Variants in GPR158 observed in about 807,000 individuals in gnomAD.
GPR158 encodes the protein G protein-coupled receptor 158.
A neutral mutation model predicts 78.2 loss-of-function variants in GPR158; 30 were observed. That is an observed-to-expected ratio of 0.38 (90% CI 0.29 to 0.52). GPR158 has a LOEUF of 0.52. Among genes scored for constraint, GPR158 ranks in the 20% least tolerant of loss-of-function variants. GPR158 has a pLI of 0.83. For missense variants in GPR158, 1,463 were observed against 1,523.5 expected, an observed-to-expected ratio of 0.96 and a Z score of 0.66; for synonymous variants, 581 against 591.1, an observed-to-expected ratio of 0.98 and a Z score of 0.25.
intron 1 of GPR158, among the ~76,000 whole-genome samples, chr10:25,217,395 CCAA>C (rs1205167966): frequency 2.0e-5 from 3 of 152,142 alleles, no homozygotes; most frequent in Non-Finnish European, 4.4e-5. Context: ...GCCTACCCAT[CCAA>C]CAGTTACCAC....
At chr10:25,271,581 G>A (rs928679818) in intron 2 of GPR158, among the ~76,000 whole-genome samples, 6 of 152,152 alleles carry the variant, frequency 3.9e-5, no homozygotes, top group Admixed American at 6.5e-5. Flanking sequence ...ATGGCAGTTC[G>A]AAGTTAAGGG....
intron 1 of GPR158, among the ~76,000 whole-genome samples, chr10:25,190,455 C>T (rs1209293762): frequency 1.3e-5 from 2 of 152,028 alleles, no homozygotes; most frequent in African/African-American, 2.4e-5. Context: ...ACCTCAGTCC[C>T]CCAAGTAGCT....
At chr10:25,469,060 TTG>T (rs1412658357) in intron 5 of GPR158, among the ~76,000 whole-genome samples, 1 of 152,146 alleles carries the variant, frequency 6.6e-6, no homozygotes, top group Admixed American at 6.5e-5. Context: ...TTTTTGGTTT[TTG>T]TCTTACTTCA....
chr10:25,563,967 G>T (rs1488787827), intron 6 of GPR158, among the ~76,000 whole-genome samples: 2 of 150,864 alleles, frequency 1.3e-5, no homozygotes, highest in African/African-American at 4.9e-5. Context: ...TTTTTTTTTA[G>T]AGGCTGAACA....
chr10:25,216,974 A>G (rs1244084032), intron 1 of GPR158, among the ~76,000 whole-genome samples: 18 of 152,182 alleles, frequency 1.2e-4, no homozygotes, highest in Admixed American at 1.2e-3. Flanking sequence ...TTATTTAGGA[A>G]AGTGAGTAAT....
chr10:25,292,718 G>C (rs963637588), intron 2 of GPR158, among the ~76,000 whole-genome samples: 1 of 152,070 alleles, frequency 6.6e-6, no homozygotes, highest in Non-Finnish European at 1.5e-5. Context: ...TTCATGCACA[G>C]AAAGTTGCTT....
chr10:25,366,423 C>A (rs56112939), intron 2 of GPR158, among the ~76,000 whole-genome samples: 21,446 of 151,436 alleles, frequency 0.14, 1,842 homozygotes, highest in African/African-American at 0.24. Flanking sequence ...AGCACTGGTT[C>A]TTTTAGTTTT....
intron 2 of GPR158, among the ~76,000 whole-genome samples, chr10:25,241,129 C>CTTTCTT (rs1294120439): frequency 2.6e-5 from 1 of 39,188 alleles, no homozygotes; most frequent in Admixed American, 2.1e-4. Context: ...CTTTGATTTT[C>CTTTCTT]TTTCTTTCTT....
At chr10:25,246,196 G>T (rs973657719) in intron 2 of GPR158, among the ~76,000 whole-genome samples, 1 of 152,116 alleles carries the variant, frequency 6.6e-6, no homozygotes, top group African/African-American at 2.4e-5. Flanking sequence ...AGCTGTGAGG[G>T]CTTGTTCTTT....
At chr10:25,371,548 G>A (rs1833993746) in intron 2 of GPR158, among the ~76,000 whole-genome samples, 1 of 148,246 alleles carries the variant, frequency 6.7e-6, no homozygotes, top group African/African-American at 2.5e-5. Flanking sequence ...CAGAAATAAT[G>A]CCACATATCT....
At chr10:25,335,771 A>C in intron 2 of GPR158, among the ~76,000 whole-genome samples, 1 of 152,060 alleles carries the variant, frequency 6.6e-6, no homozygotes, top group South Asian at 2.1e-4. Flanking sequence ...TATAGTAAAA[A>C]ACAAATCCTT....
chr10:25,305,627 G>C (rs1854663822), intron 2 of GPR158, among the ~76,000 whole-genome samples: 1 of 151,744 alleles, frequency 6.6e-6, no homozygotes, highest in Admixed American at 6.6e-5. Context: ...GAGAGAGAGG[G>C]GTCCTCTGGC....
In GPR158 at chr10:25,600,053, T is replaced by C. The variant is rs924624616; in HGVS notation, c.*779T>C. The C allele has an allele frequency of 1.3e-5, 2 of 152,672 alleles. No individual in the cohort carries two copies. The highest frequency in any genetic ancestry group is 4.8e-5 in the African/African-American group (2 of 41,462). The allele number at this position is 152,672 out of a possible 1,614,324, so 9.5% of individuals were successfully genotyped here. A position where few individuals can be genotyped will look rare whatever the true frequency, so the allele number is the denominator to read the frequency against. On this transcript the variant is annotated 3_prime_UTR_variant, in exon 11 of 11. Coordinates refer to ENST00000376351, the MANE Select transcript of GPR158 (RefSeq NM_020752.3). ...TATATATTGTGACTTTGAATTTGAC[T>C]CTATTATTTCACATCATGGTTTGTT...
At chr10:25,517,245 T>C (rs1170149128) in intron 5 of GPR158, among the ~76,000 whole-genome samples, 8 of 150,624 alleles carry the variant, frequency 5.3e-5, no homozygotes, top group Non-Finnish European at 1.2e-4. Flanking sequence ...TTGCTGAAGT[T>C]GCTTATCAGC....
intron 2 of GPR158, among the ~76,000 whole-genome samples, chr10:25,288,865 T>A (rs955382300): frequency 1.3e-5 from 2 of 152,206 alleles, no homozygotes; most frequent in African/African-American, 4.8e-5. Flanking sequence ...AGTTCATTCA[T>A]TATCATAGCT....
At position 25,191,014 on chromosome 10, in the gene GPR158, T is replaced by C. The variant is rs114986447; in HGVS notation, c.902+14692T>C. The stretch of plus-strand genomic sequence containing the variant: ...TGGATAAGGTAAACTTTTAGGATGG[T>C]TGTTTTGGGTATTGACAATAATTAG... On this transcript the variant is annotated intron_variant, in intron 1 of 10. Transcript: ENST00000376351. Among the ~76,000 whole-genome samples the C allele has an allele frequency of 6.7e-3, 1,028 of 152,316 alleles. 18 individuals are homozygous for C. Among genetic ancestry groups the C allele is most frequent in the African/African-American group, 0.024 (983 of 41,576 alleles).
chr10:25,551,285 C>G (rs1369990896), intron 6 of GPR158, among the ~76,000 whole-genome samples, 200 bp downstream of exon 6: 1 of 152,054 alleles, frequency 6.6e-6, no homozygotes, highest in African/African-American at 2.4e-5. Flanking sequence ...ATTGTTTGAA[C>G]AAGATGCTTC....
At chr10:25,404,344 T>C (rs1387684148) in intron 3 of GPR158, among the ~76,000 whole-genome samples, 2 of 152,114 alleles carry the variant, frequency 1.3e-5, no homozygotes, top group Non-Finnish European at 2.9e-5. Flanking sequence ...TTTTTCATGA[T>C]AGCATGTTAC....
intron 5 of GPR158, among the ~76,000 whole-genome samples, chr10:25,494,307 C>T (rs986944490): frequency 6.6e-6 from 1 of 152,074 alleles, no homozygotes; most frequent in Admixed American, 6.5e-5. Context: ...AACACTTGTT[C>T]ACTAGTATCT....
Sources: gnomAD v4.1 joint callset for allele counts (sites outside exome capture counted in the v4.1 genomes callset) on GRCh38, gnomAD v4.1.1 for gene constraint, MANE v1.5 for transcripts, NCBI Gene and HGNC (gene_info 2026-07-23, HGNC 2026-07-21) for gene names.